The following MGST1 variants were observed in gnomAD, a reference collection of about 807,000 sequenced individuals.
MGST1 encodes glutathione S-transferase 12.
MGST1 carries 5 observed loss-of-function variants against 8.9 expected under a neutral mutation model. That is an observed-to-expected ratio of 0.56 (90% CI 0.29 to 1.19). The LOEUF (loss-of-function observed/expected upper bound fraction) is 1.19. Ranked by LOEUF, MGST1 falls within the 50% of genes most tolerant of loss-of-function variation. The probability of loss-of-function intolerance (pLI) is 0.08; values close to 1 mark genes in which losing one functional copy is unlikely to be tolerated. For missense variants in MGST1, 182 were observed against 187.4 expected (o/e 0.97, Z 0.17); for synonymous variants, 54 against 67.8 (o/e 0.80, Z 1.00).
At chr12:16,495,581 A>T (rs1186909115) in intron 4 of MGST1, among the ~76,000 whole-genome samples, 1 of 152,028 alleles carries the variant, frequency 6.6e-6, no homozygotes, top group Non-Finnish European at 1.5e-5. Flanking sequence ...ATTACCAACA[A>T]TGCATTTTCA....
At chr12:16,399,820 C>T (rs985962334) in intron 1 of MGST1, 20 of 1,216,352 alleles carry the variant, frequency 1.6e-5, no homozygotes, top group Non-Finnish European at 2.0e-5. Flanking sequence ...TGGCATTGAT[C>T]ATGGTCACTT....
Position 16,515,480 on chromosome 12 carries a change from A to G in MGST1, n.483-74048A>G, listed in dbSNP as rs558869911. Among the ~76,000 whole-genome samples, 120 of 152,138 alleles carry G rather than the reference A, an allele frequency of 7.9e-4. 1 individual carries two copies. Among genetic ancestry groups the G allele is most frequent in the African/African-American group, 2.7e-3 (114 of 41,532 alleles). ...GGTTAAACCCCGTCTCTACTAAAAA[A>G]TCAGTCAGGCATAGTAGCGGGAGCC... is the stretch of plus-strand genomic sequence containing the variant. On this transcript the variant is annotated intron_variant and non_coding_transcript_variant, in intron 4 of 4. Transcript: ENST00000538857.
chr12:16,547,668 C>T lies in MGST1; in HGVS notation n.483-41860C>T, dbSNP rs1591757093. Reference sequence around the variant, plus strand: ...TAAACTAATGACTATTAAATCTCTGCTTTCTATTACCTTAAATTACATTAA... The same window carrying T: ...TAAACTAATGACTATTAAATCTCTGTTTTCTATTACCTTAAATTACATTAA... On this transcript the variant is annotated intron_variant and non_coding_transcript_variant, in intron 4 of 4. Transcript: ENST00000538857. This position sits in a 1 kb window ranked among gnomAD's most constrained non-coding sequence, Gnocchi z 4.6. 6.6e-6 allele frequency among the ~76,000 whole-genome samples: 1 copy of T among 152,238 alleles called. No individual in the cohort carries two copies.
intron 4 of MGST1, among the ~76,000 whole-genome samples, chr12:16,507,565 T>A (rs145738846): frequency 1.7e-3 from 256 of 152,182 alleles, no homozygotes; most frequent in African/African-American, 6.1e-3. Context: ...TGAGACTGGG[T>A]AATTTATGAA....
chr12:16,492,081 T>C (rs1035873987), intron 4 of MGST1, among the ~76,000 whole-genome samples: 4 of 152,192 alleles, frequency 2.6e-5, no homozygotes, highest in African/African-American at 9.7e-5. Context: ...TAAATATGTA[T>C]GCCAGTGTGA....
At chr12:16,522,186 T>C (rs1454849531) in intron 4 of MGST1, among the ~76,000 whole-genome samples, 1 of 152,110 alleles carries the variant, frequency 6.6e-6, no homozygotes, top group Admixed American at 6.6e-5. Context: ...AGCTCGGGGA[T>C]TGGAGCAGAG....
At chr12:16,367,480 C>T (rs2137013952), downstream of MGST1, 1 of 152,350 alleles carries the variant, frequency 6.6e-6, no homozygotes, top group Admixed American at 6.5e-5. Flanking sequence ...GTCCATTCTC[C>T]TGCTTTGGTC....
chr12:16,426,364 C>A (rs1352752900), intron 1 of MGST1, among the ~76,000 whole-genome samples: 3 of 152,164 alleles, frequency 2.0e-5, no homozygotes, highest in Non-Finnish European at 2.9e-5. Flanking sequence ...TATATTCATC[C>A]TAGCAAAACT....
chr12:16,591,765 C>T (rs957799910), downstream of MGST1, among the ~76,000 whole-genome samples: 1 of 152,042 alleles, frequency 6.6e-6, no homozygotes, highest in Non-Finnish European at 1.5e-5. The surrounding 1 kb of genome is among the most constrained non-coding windows in gnomAD (Gnocchi z 4.1). Context: ...GTCTGTCTTG[C>T]TCTGCACCCA....
intron 4 of MGST1, among the ~76,000 whole-genome samples, chr12:16,461,900 A>G (rs1173252430): frequency 1.3e-5 from 2 of 152,124 alleles, no homozygotes; most frequent in African/African-American, 4.8e-5. Context: ...TGGTTTACCA[A>G]GATGATTAGT....
At chr12:16,483,459 A>G (rs1468224348) in intron 4 of MGST1, among the ~76,000 whole-genome samples, 1 of 152,160 alleles carries the variant, frequency 6.6e-6, no homozygotes, top group East Asian at 1.9e-4. Flanking sequence ...ATGGCAAAAC[A>G]AACAAGGCAA....
At chr12:16,538,794 G>A (rs929565060) in intron 4 of MGST1, among the ~76,000 whole-genome samples, 7 of 151,936 alleles carry the variant, frequency 4.6e-5, no homozygotes, top group Admixed American at 3.9e-4. Flanking sequence ...ATTTTTAGTA[G>A]AGACGGGGTT....
chr12:16,567,600 A>G (rs148121744), intron 4 of MGST1: 68 of 152,348 alleles, frequency 4.5e-4, no homozygotes, highest in African/African-American at 1.6e-3. Flanking sequence ...AGAAGCCTCT[A>G]TGTGGTCAAG....
At chr12:16,418,113 C>CA (rs1435638426) in intron 1 of MGST1, among the ~76,000 whole-genome samples, 2 of 152,106 alleles carry the variant, frequency 1.3e-5, no homozygotes, top group African/African-American at 4.8e-5. Context: ...AAAGGGAACT[C>CA]ACAATTACTG....
At chr12:16,370,189 T>C (rs904467710) in intron 3 of MGST1, 1 of 152,184 alleles carries the variant, frequency 6.6e-6, no homozygotes, top group Non-Finnish European at 1.5e-5. Flanking sequence ...ATGAGAGCAA[T>C]AGTTACAAAC....
In MGST1 at chr12:16,513,349, C is replaced by G. The variant is rs1264689342; in HGVS notation, n.483-76179C>G. On this transcript the variant is annotated intron_variant and non_coding_transcript_variant, in intron 4 of 4. Coordinates refer to the MGST1 transcript ENST00000538857. The surrounding 1 kb of genome is among the most constrained non-coding windows in gnomAD (Gnocchi z 4.2). ...AAAAGGAGAATTTTATGCTTGCCCT[C>G]TGCTCCGTCCTGCGTCTGCCCACTG... The G allele has an allele frequency of 1.3e-5, 4 of 304,196 alleles. No individual in the cohort carries two copies. Among genetic ancestry groups the G allele is most frequent in the African/African-American group, 6.7e-5 (3 of 45,102 alleles). The allele number at this position is 304,196 out of a possible 1,614,324, so 18.8% of individuals were successfully genotyped here.
intron 4 of MGST1, among the ~76,000 whole-genome samples, chr12:16,526,601 CATG>C (rs1157303852): frequency 6.6e-6 from 1 of 151,924 alleles, no homozygotes; most frequent in Non-Finnish European, 1.5e-5. Context: ...AAGGTACAAA[CATG>C]ATTTTATTTT....
chr12:16,433,010 A>G (rs369481804), intron 1 of MGST1, among the ~76,000 whole-genome samples: 7 of 152,126 alleles, frequency 4.6e-5, no homozygotes, highest in Admixed American at 2.6e-4. Flanking sequence ...AGATGTGTAT[A>G]TAAAGGGGAG....
At chr12:16,429,064 A>C (rs1382319081) in intron 1 of MGST1, among the ~76,000 whole-genome samples, 1 of 152,010 alleles carries the variant, frequency 6.6e-6, no homozygotes, top group African/African-American at 2.4e-5. Context: ...GCTTTTTAAG[A>C]TAACAATAAA....
Sources: allele counts gnomAD v4.1 joint callset (sites outside exome capture counted in the v4.1 genomes callset), GRCh38; gene constraint gnomAD v4.1.1; non-coding constraint Gnocchi (gnomAD v3.1); transcripts MANE v1.5; gene names NCBI Gene and HGNC (gene_info 2026-07-23, HGNC 2026-07-21).